HPSE2: variants seen among roughly 807,000 people sequenced by gnomAD.
HPSE2 encodes the protein heparanase 2 (inactive).
HPSE2 carries 38 observed loss-of-function variants against 60.5 expected under a neutral mutation model. The observed-to-expected ratio is 0.63, with a 90% CI of 0.48 to 0.82. The LOEUF (loss-of-function observed/expected upper bound fraction) is 0.82. Ranked by LOEUF, HPSE2 falls within the 40% of genes least tolerant of loss-of-function variation. HPSE2 has a pLI of 0.00. For missense variants in HPSE2, 713 were observed against 740.4 expected, an observed-to-expected ratio of 0.96 and a Z score of 0.43; for synonymous variants, 295 against 293.2, an observed-to-expected ratio of 1.01 and a Z score of -0.06.
chr10:98,572,197 C>T (rs1944517322), intron 9 of HPSE2, among the ~76,000 whole-genome samples: 2 of 152,108 alleles, frequency 1.3e-5, no homozygotes, highest in African/African-American at 4.8e-5. Context: ...CACCTCAGCT[C>T]CCAAAGTGCT....
chr10:98,752,518 G>C (rs892818018), intron 3 of HPSE2, among the ~76,000 whole-genome samples: 1 of 152,082 alleles, frequency 6.6e-6, no homozygotes, highest in Admixed American at 6.6e-5. Context: ...TCAGTATCTG[G>C]ATACTTTCTA....
In HPSE2 at chr10:98,600,811, C is replaced by T. The variant is rs1486099571; in HGVS notation, c.1320+14093G>A. ...ATGTATGTATATATACACGTGTGTG[C>T]GTGTGTGTGTAGATATACACAAAGA... On this transcript the variant is annotated intron_variant, in intron 9 of 11. Transcript: ENST00000370552. 2.6e-4 allele frequency among the ~76,000 whole-genome samples: 13 copies of T among 50,632 alleles called. 1 individual carries two copies. Among genetic ancestry groups the T allele is most frequent in the South Asian group, 1.8e-3 (2 of 1,130 alleles). 33.2% of individuals were successfully genotyped at this position (50,632 alleles called of 152,430 possible).
At chr10:98,959,429 A>G (rs890733047) in intron 3 of HPSE2, among the ~76,000 whole-genome samples, 3 of 151,858 alleles carry the variant, frequency 2.0e-5, no homozygotes, top group Non-Finnish European at 4.4e-5. Flanking sequence ...CCAAATCCAA[A>G]CACCCATATA....
At chr10:98,650,772 C>A (rs1456366219) in intron 6 of HPSE2, among the ~76,000 whole-genome samples, 2 of 152,166 alleles carry the variant, frequency 1.3e-5, no homozygotes, top group Admixed American at 6.5e-5. Flanking sequence ...CAGTAGGAGG[C>A]AGCATTTTGA....
chr10:99,292,308 A>C, the HPSE2 span, among the ~76,000 whole-genome samples: 1 of 152,234 alleles, frequency 6.6e-6, no homozygotes, highest in Non-Finnish European at 1.5e-5. Flanking sequence ...TTCATTCATC[A>C]AATAAATATG....
chr10:98,805,066 T>C (rs1021529689), intron 3 of HPSE2, among the ~76,000 whole-genome samples: 4 of 152,104 alleles, frequency 2.6e-5, no homozygotes, highest in African/African-American at 9.7e-5. Flanking sequence ...CTTACTTACC[T>C]GAAGATCTAA....
At chr10:98,606,204 TAGAC>T (rs764721617) in intron 9 of HPSE2, among the ~76,000 whole-genome samples, 2 of 152,312 alleles carry the variant, frequency 1.3e-5, no homozygotes, top group South Asian at 2.1e-4. Flanking sequence ...GAATGAATGA[TAGAC>T]AGTACTAAAT....
intron 3 of HPSE2, among the ~76,000 whole-genome samples, chr10:99,113,184 G>C (rs1196368780): frequency 2.0e-5 from 3 of 152,030 alleles, no homozygotes; most frequent in Non-Finnish European, 2.9e-5. Context: ...TTCTTATTAA[G>C]CATTCAATAA....
chr10:98,792,206 G>T (rs935235406), intron 3 of HPSE2, among the ~76,000 whole-genome samples: 6 of 146,904 alleles, frequency 4.1e-5, no homozygotes, highest in Non-Finnish European at 7.5e-5. Context: ...CAATCAAAAG[G>T]TTTTTTTTTT....
At chr10:99,276,843 A>G in the HPSE2 span, among the ~76,000 whole-genome samples, 2 of 152,228 alleles carry the variant, frequency 1.3e-5, no homozygotes, top group Non-Finnish European at 2.9e-5. Flanking sequence ...ACTGGAAAGA[A>G]TACTGTAATA....
chr10:99,135,235 T>C (rs1845600684), intron 3 of HPSE2, among the ~76,000 whole-genome samples: 1 of 152,134 alleles, frequency 6.6e-6, no homozygotes, highest in South Asian at 2.1e-4. Context: ...CAAAGAGATG[T>C]AGACTCCCAC....
At chr10:99,187,952 T>C (rs964966817) in intron 2 of HPSE2, among the ~76,000 whole-genome samples, 5 of 152,228 alleles carry the variant, frequency 3.3e-5, no homozygotes, top group Admixed American at 2.0e-4. Context: ...AGCAGTTTTA[T>C]TCATAATACC....
At chr10:99,289,650 G>A in the HPSE2 span, among the ~76,000 whole-genome samples, 1 of 152,068 alleles carries the variant, frequency 6.6e-6, no homozygotes, top group Admixed American at 6.6e-5. Context: ...TTTTAAAGTA[G>A]TTATTTTCTT....
At chr10:98,968,894 A>G (rs1955880624) in intron 3 of HPSE2, among the ~76,000 whole-genome samples, 1 of 152,150 alleles carries the variant, frequency 6.6e-6, no homozygotes, top group African/African-American at 2.4e-5. Flanking sequence ...AGTACAGTGT[A>G]CACTGCTCAG....
intron 3 of HPSE2, among the ~76,000 whole-genome samples, chr10:98,988,098 C>G (rs1237502537): frequency 3.9e-5 from 6 of 152,084 alleles, no homozygotes; most frequent in African/African-American, 9.7e-5. Context: ...CAATGCCATC[C>G]CCATCAAGCT....
At chr10:98,789,005 T>TC (rs1174175349) in intron 3 of HPSE2, among the ~76,000 whole-genome samples, 1 of 152,218 alleles carries the variant, frequency 6.6e-6, no homozygotes, top group Non-Finnish European at 1.5e-5. Flanking sequence ...ACTTTTTTTT[T>TC]CTTTTTAGCA....
chr10:98,998,804 A>C (rs1228958624), intron 3 of HPSE2, among the ~76,000 whole-genome samples: 2 of 152,200 alleles, frequency 1.3e-5, no homozygotes, highest in Non-Finnish European at 2.9e-5. Flanking sequence ...CCCATGCAAA[A>C]GGTATACTCT....
chr10:99,253,079 G>A, the HPSE2 span, among the ~76,000 whole-genome samples: 1 of 151,994 alleles, frequency 6.6e-6, no homozygotes, highest in African/African-American at 2.4e-5. Flanking sequence ...TAAATTCAAT[G>A]CTATTCCTAT....
intron 3 of HPSE2, among the ~76,000 whole-genome samples, chr10:99,073,172 A>C (rs1842852298): frequency 6.6e-6 from 1 of 152,160 alleles, no homozygotes; most frequent in African/African-American, 2.4e-5. Context: ...AGATGAAGGC[A>C]CGTGTATGTT....
Sources: gnomAD v4.1 joint callset for allele counts (sites outside exome capture counted in the v4.1 genomes callset) on GRCh38, gnomAD v4.1.1 for gene constraint, MANE v1.5 for transcripts, NCBI Gene and HGNC (gene_info 2026-07-23, HGNC 2026-07-21) for gene names.